Variants in FGF12 observed in about 807,000 individuals in gnomAD.
FGF12 encodes fibroblast growth factor 12.
A neutral mutation model predicts 23.6 loss-of-function variants in FGF12; 14 were observed. That is an observed-to-expected ratio of 0.59 (90% CI 0.39 to 0.93). The LOEUF is 0.93. FGF12 is among the 40% of genes least tolerant of loss of function. FGF12 has a pLI of 0.00. For synonymous variants in FGF12, 62 were observed against 77.3 expected (o/e 0.80, Z 1.04); for missense variants, 175 against 217.8 (o/e 0.80, Z 1.24).
Position 192,632,559 on chromosome 3 carries a change from C to T in FGF12, c.13+94622G>A, listed in dbSNP as rs1422602391. Reference sequence around the variant, plus strand: ...TGCTTTGGTTGATGCACAGTTAATGCTCAGTAATGGTTAGATATATTTCCC... The same window carrying T: ...TGCTTTGGTTGATGCACAGTTAATGTTCAGTAATGGTTAGATATATTTCCC... On this transcript the variant is annotated intron_variant, in intron 2 of 5. Transcript: ENST00000445105. Among the ~76,000 whole-genome samples, 5 of 152,186 alleles carry T rather than the reference C, an allele frequency of 3.3e-5. No individual in the cohort carries two copies. In the East Asian group the frequency reaches 9.6e-4, roughly 29 times the overall value.
chr3:192,578,112 G>A (rs1343929917), intron 2 of FGF12, among the ~76,000 whole-genome samples: 1 of 152,052 alleles, frequency 6.6e-6, no homozygotes, highest in Non-Finnish European at 1.5e-5. Flanking sequence ...AATATTTTTG[G>A]TACATTTGTC....
chr3:192,214,403 T>C (rs1021707268), intron 4 of FGF12, among the ~76,000 whole-genome samples: 2 of 152,226 alleles, frequency 1.3e-5, no homozygotes, highest in Non-Finnish European at 2.9e-5. Flanking sequence ...ACTTTTTTAT[T>C]TGCAAATGTT....
At chr3:192,356,332 T>G (rs1173633297) in intron 3 of FGF12, among the ~76,000 whole-genome samples, 2 of 152,228 alleles carry the variant, frequency 1.3e-5, no homozygotes, top group Non-Finnish European at 2.9e-5. Flanking sequence ...AATATTTTAT[T>G]GTTCAGAGGT....
chr3:192,207,731 G>A (rs963772137), intron 4 of FGF12, among the ~76,000 whole-genome samples: 7 of 152,164 alleles, frequency 4.6e-5, no homozygotes, highest in Non-Finnish European at 7.3e-5. Flanking sequence ...TTTTAGCAGG[G>A]CAGTGAAATG....
At chr3:192,470,003 G>T (rs749112160) in intron 2 of FGF12, among the ~76,000 whole-genome samples, 1 of 152,224 alleles carries the variant, frequency 6.6e-6, no homozygotes, top group Admixed American at 6.5e-5. Flanking sequence ...TAAAGGGAAA[G>T]AGTATGACAA....
chr3:192,368,446 G>C (rs773111408), intron 2 of FGF12, among the ~76,000 whole-genome samples: 1 of 152,150 alleles, frequency 6.6e-6, no homozygotes, highest in African/African-American at 2.4e-5. Context: ...TGGACAGAAC[G>C]AATAGAAGAT....
At chr3:192,238,664 C>T (rs1719434486) in intron 4 of FGF12, 1 of 152,178 alleles carries the variant, frequency 6.6e-6, no homozygotes, top group African/African-American at 2.4e-5. Flanking sequence ...AGTGAGTTGT[C>T]TCTGGAAAAG....
At chr3:192,338,981 AC>A (rs1347216976) in intron 3 of FGF12, among the ~76,000 whole-genome samples, 1 of 152,192 alleles carries the variant, frequency 6.6e-6, no homozygotes, top group East Asian at 1.9e-4. Flanking sequence ...AGGAAAAGCA[AC>A]TATAAAGTTT....
intron 2 of FGF12, among the ~76,000 whole-genome samples, chr3:192,648,576 A>C (rs1052660422): frequency 2.6e-5 from 4 of 151,902 alleles, no homozygotes; most frequent in African/African-American, 9.7e-5. Flanking sequence ...AAACCCATGA[A>C]TTTTCTGGCT....
intron 2 of FGF12, among the ~76,000 whole-genome samples, chr3:192,518,471 A>G (rs1319349427): frequency 6.6e-6 from 1 of 152,242 alleles, no homozygotes; most frequent in Non-Finnish European, 1.5e-5. Flanking sequence ...AAGACTAAAC[A>G]TAGGCATCTG....
At chr3:192,389,836 A>G (rs2108760481) in intron 2 of FGF12, among the ~76,000 whole-genome samples, 1 of 152,356 alleles carries the variant, frequency 6.6e-6, no homozygotes, top group East Asian at 1.9e-4. Flanking sequence ...ATGTCTGACT[A>G]AGACCATCAT....
intron 2 of FGF12, chr3:192,516,985 T>TGTGCTGCAG (rs1335510366): frequency 6.6e-6 from 1 of 152,232 alleles, no homozygotes; most frequent in Non-Finnish European, 1.5e-5. Context: ...AATAGTCCTT[T>TGTGCTGCAG]GTGCTGCAGC....
chr3:192,289,807 G>C (rs938375296), intron 4 of FGF12, among the ~76,000 whole-genome samples: 1 of 152,036 alleles, frequency 6.6e-6, no homozygotes, highest in Non-Finnish European at 1.5e-5. Context: ...CTTTATCAGG[G>C]GAATAAGTAG....
At position 192,533,362 on chromosome 3, in the gene FGF12, T is replaced by C. The variant is rs370839134; in HGVS notation, c.14-172824A>G. On this transcript the variant is annotated intron_variant, in intron 2 of 5. Transcript: ENST00000445105. ...TTTTGGGGAACAAGGTGGTATTTTT[T>C]TAAAGTAATACAGTTAATGTATAAA... 2.6e-5 allele frequency among the ~76,000 whole-genome samples: 4 copies of C among 152,320 alleles called. No individual in the cohort carries two copies. The East Asian group carries it at 7.7e-4, about 29-fold the overall frequency.
At chr3:192,589,789 T>C (rs1431081039) in intron 2 of FGF12, among the ~76,000 whole-genome samples, 1 of 151,926 alleles carries the variant, frequency 6.6e-6, no homozygotes, top group African/African-American at 2.4e-5. Context: ...GAGTGACTGA[T>C]GCTCGGAGGA....
chr3:192,265,631 A>G (rs538089814), intron 4 of FGF12, among the ~76,000 whole-genome samples: 14 of 152,148 alleles, frequency 9.2e-5, no homozygotes, highest in South Asian at 8.3e-4. Context: ...AACTTTCAAT[A>G]TCTATAAATG....
chr3:192,492,449 G>A (rs1723828669), intron 2 of FGF12, among the ~76,000 whole-genome samples: 1 of 152,010 alleles, frequency 6.6e-6, no homozygotes, highest in Non-Finnish European at 1.5e-5. Context: ...TAGTCAGATG[G>A]GGAGGGTGGA....
intron 4 of FGF12, among the ~76,000 whole-genome samples, chr3:192,311,254 T>C (rs1458965974): frequency 1.3e-5 from 2 of 152,154 alleles, no homozygotes; most frequent in African/African-American, 4.8e-5. Flanking sequence ...TTAGAATATT[T>C]TTCTTCACCT....
At chr3:192,340,302 T>C (rs1242006787) in intron 3 of FGF12, among the ~76,000 whole-genome samples, 4 of 152,090 alleles carry the variant, frequency 2.6e-5, no homozygotes, top group African/African-American at 9.7e-5. Context: ...AAAATCTGTT[T>C]CCTCTGCCAA....
Sources: gnomAD v4.1 joint callset for allele counts (sites outside exome capture counted in the v4.1 genomes callset) on GRCh38, gnomAD v4.1.1 for gene constraint, MANE v1.5 for transcripts, NCBI Gene and HGNC (gene_info 2026-07-23, HGNC 2026-07-21) for gene names.